RGS6: variants seen among roughly 807,000 people sequenced by gnomAD.
The protein encoded by RGS6 is regulator of G protein signaling 6.
RGS6 carries 30 observed loss-of-function variants against 78.5 expected under a neutral mutation model. The observed-to-expected ratio is 0.38, with a 90% confidence interval of 0.29 to 0.52. The LOEUF (loss-of-function observed/expected upper bound fraction) is 0.52. RGS6 is among the 20% of genes least tolerant of loss of function. The pLI, the probability that RGS6 is intolerant of heterozygous loss-of-function variation, is 0.85. For missense variants in RGS6, 495 were observed against 609.7 expected (o/e 0.81, Z 1.98); for synonymous variants, 206 against 206.0 (o/e 1.00, Z 0.00).
At chr14:72,045,984 G>A (rs1257673186) in intron 2 of RGS6, among the ~76,000 whole-genome samples, 2 of 152,142 alleles carry the variant, frequency 1.3e-5, no homozygotes, top group Non-Finnish European at 2.9e-5. Context: ...GCGTGTGGAG[G>A]TATTGGGAAA....
intron 2 of RGS6, among the ~76,000 whole-genome samples, chr14:71,984,617 T>C (rs1426889850): frequency 6.6e-6 from 1 of 151,896 alleles, no homozygotes; most frequent in African/African-American, 2.4e-5. Flanking sequence ...TGATTCCAGG[T>C]GATGGGAGCT....
intron 15 of RGS6, among the ~76,000 whole-genome samples, chr14:72,534,736 C>T (rs1315267035): frequency 6.6e-6 from 1 of 152,068 alleles, no homozygotes; most frequent in African/African-American, 2.4e-5. Context: ...TAAAATGTGT[C>T]CCCCAGCTGA....
At chr14:72,413,226 G>A (rs1322480143) in intron 3 of RGS6, among the ~76,000 whole-genome samples, 15 of 152,136 alleles carry the variant, frequency 9.9e-5, no homozygotes, top group Admixed American at 4.6e-4. Context: ...GGTCACTAAG[G>A]GCTTGCTTTA....
At chr14:71,926,583 C>CATAAAAAAAAAA in the RGS6 span, among the ~76,000 whole-genome samples, 1 of 53,350 alleles carries the variant, frequency 1.9e-5, no homozygotes, top group Non-Finnish European at 3.4e-5. Context: ...GACTCTGTCT[C>CATAAAAAAAAAA]AGAAAAAAAA....
At chr14:72,616,874 C>T in the RGS6 span, among the ~76,000 whole-genome samples, 2 of 152,170 alleles carry the variant, frequency 1.3e-5, no homozygotes, top group Admixed American at 1.3e-4. Context: ...GCTTGTAGTA[C>T]CCTGACAGTG....
chr14:71,935,013 T>C (rs184414773), intron 1 of RGS6, among the ~76,000 whole-genome samples: 50 of 152,356 alleles, frequency 3.3e-4, no homozygotes, highest in Non-Finnish European at 7.1e-4. Context: ...CTTGTCTTAA[T>C]TGGTATTGCT....
chr14:72,273,012 A>G (rs2060170178), intron 2 of RGS6, among the ~76,000 whole-genome samples: 1 of 152,128 alleles, frequency 6.6e-6, no homozygotes, highest in Non-Finnish European at 1.5e-5. Flanking sequence ...GCTACTTGGG[A>G]AGCTGAGGCG....
chr14:72,256,689 T>C (rs1248842500), intron 2 of RGS6, among the ~76,000 whole-genome samples: 1 of 152,178 alleles, frequency 6.6e-6, no homozygotes, highest in Non-Finnish European at 1.5e-5. Context: ...GTAAACTAAA[T>C]TCCTCCCATA....
At position 72,224,755 on chromosome 14, in the gene RGS6, CT is replaced by C. The variant is rs560875577; in HGVS notation, c.85-127338del. On this transcript the variant is annotated intron_variant, in intron 2 of 17. Transcript: ENST00000553525. ...AAGCATTACATTTAATCTCTGGGGA[CT>C]TAGAGATCAGTGCTCTCTCTGGACT... Among the ~76,000 whole-genome samples the C allele has an allele frequency of 2.6e-3, 389 of 152,144 alleles. 1 individual carries two copies. The highest frequency in any genetic ancestry group is 9.2e-3 in the African/African-American group (380 of 41,500).
chr14:71,906,188 G>A, the RGS6 span, among the ~76,000 whole-genome samples: 2 of 152,196 alleles, frequency 1.3e-5, no homozygotes, highest in African/African-American at 4.8e-5. Context: ...AGTAATTGCT[G>A]TTTTAAAACA....
the RGS6 span, chr14:72,619,865 TC>T: frequency 6.7e-7 from 1 of 1,500,976 alleles, no homozygotes; most frequent in Non-Finnish European, 8.9e-7. Flanking sequence ...AGTAGTAGTA[TC>T]TGTTGCTGTT....
At chr14:72,595,222 C>G in the RGS6 span, 1 of 152,154 alleles carries the variant, frequency 6.6e-6, no homozygotes, top group Non-Finnish European at 1.5e-5. Flanking sequence ...CAATATTAAT[C>G]CCTAGCCCGA....
intron 2 of RGS6, among the ~76,000 whole-genome samples, chr14:72,003,480 T>C (rs769278143): frequency 6.6e-6 from 1 of 152,226 alleles, no homozygotes; most frequent in Non-Finnish European, 1.5e-5. Context: ...TGTGTACTTA[T>C]TAATCAACAC....
chr14:72,620,138 G>A, the RGS6 span, among the ~76,000 whole-genome samples: 4 of 152,030 alleles, frequency 2.6e-5, no homozygotes, highest in Non-Finnish European at 4.4e-5. Flanking sequence ...CCCTGAACAC[G>A]CCTGTGCTTT....
At chr14:72,553,876 G>A (rs1203832219) in intron 17 of RGS6, among the ~76,000 whole-genome samples, 1 of 152,214 alleles carries the variant, frequency 6.6e-6, no homozygotes, top group Non-Finnish European at 1.5e-5. Context: ...GGAGAAAAAA[G>A]CTGGGAAACC....
chr14:72,168,541 TATCTC>T (rs1469328250), intron 2 of RGS6, among the ~76,000 whole-genome samples: 1 of 152,244 alleles, frequency 6.6e-6, no homozygotes, highest in African/African-American at 2.4e-5. Context: ...GGGCGTAAGA[TATCTC>T]ATCAATAATT....
intron 2 of RGS6, among the ~76,000 whole-genome samples, chr14:72,161,901 G>A (rs929592079): frequency 6.6e-6 from 1 of 152,210 alleles, no homozygotes; most frequent in Middle Eastern, 3.2e-3. Flanking sequence ...CTTAAGTTCT[G>A]TGGGAAACCC....
intron 2 of RGS6, among the ~76,000 whole-genome samples, chr14:72,070,534 G>GTGT (rs2094370800): frequency 6.6e-6 from 1 of 152,196 alleles, no homozygotes; most frequent in South Asian, 2.1e-4. Flanking sequence ...ACTGTTCCTG[G>GTGT]TGTTGGTGGT....
chr14:72,617,580 C>T, the RGS6 span, among the ~76,000 whole-genome samples: 1 of 152,188 alleles, frequency 6.6e-6, no homozygotes. Context: ...AGGCCACAGG[C>T]CCCTGCAGGA....
Sources: allele counts gnomAD v4.1 joint callset (sites outside exome capture counted in the v4.1 genomes callset), GRCh38; gene constraint gnomAD v4.1.1; transcripts MANE v1.5; gene names NCBI Gene and HGNC (gene_info 2026-07-23, HGNC 2026-07-21).